Variants in PTPRD observed in about 807,000 individuals in gnomAD.
PTPRD encodes the protein protein tyrosine phosphatase receptor type D, also known as receptor-type tyrosine-protein phosphatase delta.
A neutral mutation model predicts 214.5 loss-of-function variants in PTPRD; 34 were observed. That is an observed-to-expected ratio of 0.16 (90% CI 0.12 to 0.21). PTPRD has a LOEUF of 0.21. Among genes scored for constraint, PTPRD ranks in the 10% least tolerant of loss-of-function variants. The pLI is 1.00. For synonymous variants in PTPRD, 1,128 were observed against 845.7 expected, an observed-to-expected ratio of 1.33 and a Z score of -5.79; for missense variants, 2,545 against 2,398.7, an observed-to-expected ratio of 1.06 and a Z score of -1.27.
chr9:8,333,351 C>CAAAT (rs1338618528), intron 43 of PTPRD, among the ~76,000 whole-genome samples: 1 of 152,134 alleles, frequency 6.6e-6, no homozygotes, highest in African/African-American at 2.4e-5. Context: ...GTCATGTGTG[C>CAAAT]AAATACCTTC....
intron 31 of PTPRD, among the ~76,000 whole-genome samples, chr9:8,468,725 A>G (rs1225401511): frequency 1.3e-5 from 2 of 151,638 alleles, no homozygotes; most frequent in Non-Finnish European, 2.9e-5. Context: ...TTAAGAGAGG[A>G]ACACTGCTTT....
intron 9 of PTPRD, among the ~76,000 whole-genome samples, chr9:9,354,937 G>A (rs2053146716): frequency 6.6e-6 from 1 of 151,730 alleles, no homozygotes; most frequent in Non-Finnish European, 1.5e-5. Flanking sequence ...TAGCAAAGGA[G>A]GAAAATGTGA....
At chr9:9,505,892 C>T (rs777120927) in intron 8 of PTPRD, among the ~76,000 whole-genome samples, 17 of 151,274 alleles carry the variant, frequency 1.1e-4, no homozygotes, top group South Asian at 6.2e-4. Context: ...ACTACAGTGA[C>T]GGGACAATCA....
At position 9,756,146 on chromosome 9, in the gene PTPRD, T is replaced by C. The variant is rs574738111; in HGVS notation, c.-326+10664A>G. Among the ~76,000 whole-genome samples the C allele has an allele frequency of 6.6e-5, 10 of 152,158 alleles. No individual in the cohort carries two copies. The South Asian group carries it at 2.1e-3, about 32-fold the overall frequency. On this transcript the variant is annotated intron_variant, in intron 6 of 45. Coordinates refer to ENST00000381196, the MANE Select transcript of PTPRD (RefSeq NM_002839.4). ...ACACCTCTCTGTTCTAATATCGACC[T>C]CAAGCCACTTTAGAAAAAAATATTC...
At position 9,771,970 on chromosome 9, in the gene PTPRD, A is replaced by T. The variant is rs530602125; in HGVS notation, c.-367-5119T>A. On this transcript the variant is annotated intron_variant, in intron 5 of 45. Transcript: ENST00000381196. ...CATTGTTTATTTGTATTACATTTTA[A>T]GAAGAAACTAGAAATTTCAACATAT... Among the ~76,000 whole-genome samples, 4 of 152,326 alleles carry T rather than the reference A, an allele frequency of 2.6e-5. No homozygotes were observed. In the East Asian group the frequency reaches 7.7e-4, roughly 29 times the overall value.
chr9:10,447,920 G>T (rs1470700059), intron 2 of PTPRD, among the ~76,000 whole-genome samples: 2 of 152,010 alleles, frequency 1.3e-5, no homozygotes, highest in African/African-American at 4.8e-5. Context: ...CCTATGTGCT[G>T]AGAATATTGA....
intron 3 of PTPRD, among the ~76,000 whole-genome samples, chr9:10,324,500 G>C (rs923682174): frequency 6.6e-6 from 1 of 152,006 alleles, no homozygotes; most frequent in Non-Finnish European, 1.5e-5. Context: ...TAGTATCAAT[G>C]TTATTAAAAG....
At chr9:9,658,632 T>C (rs2154378292) in intron 7 of PTPRD, among the ~76,000 whole-genome samples, 1 of 152,284 alleles carries the variant, frequency 6.6e-6, no homozygotes, top group Non-Finnish European at 1.5e-5. Flanking sequence ...GAGAAGGTTA[T>C]ATGCTATGAA....
chr9:9,219,664 C>T (rs568437109), intron 9 of PTPRD, among the ~76,000 whole-genome samples: 19 of 152,274 alleles, frequency 1.2e-4, no homozygotes, highest in African/African-American at 4.3e-4. Context: ...CCTGTATCAA[C>T]ACCAAACTTG....
At chr9:9,775,767 C>T (rs569913616) in intron 5 of PTPRD, among the ~76,000 whole-genome samples, 3 of 152,004 alleles carry the variant, frequency 2.0e-5, no homozygotes, top group Non-Finnish European at 4.4e-5. Flanking sequence ...CACGGTGAAA[C>T]CCAGTCTCTA....
intron 7 of PTPRD, among the ~76,000 whole-genome samples, chr9:9,661,517 A>G (rs1031911695): frequency 5.3e-5 from 8 of 151,848 alleles, no homozygotes; most frequent in African/African-American, 1.9e-4. Context: ...ATGCTAAACT[A>G]TGGTATCATT....
chr9:9,657,573 A>T (rs1012861063), intron 7 of PTPRD, among the ~76,000 whole-genome samples: 6 of 152,222 alleles, frequency 3.9e-5, no homozygotes, highest in African/African-American at 7.2e-5. Flanking sequence ...CACGTTGTGC[A>T]TATGTACCCC....
At chr9:9,710,668 T>G (rs935694731) in intron 7 of PTPRD, among the ~76,000 whole-genome samples, 2 of 152,232 alleles carry the variant, frequency 1.3e-5, no homozygotes, top group East Asian at 1.9e-4. Context: ...AAAAATTAAC[T>G]AAATTCCATT....
chr9:9,633,437 A>T (rs2095656808), intron 7 of PTPRD, among the ~76,000 whole-genome samples: 1 of 152,228 alleles, frequency 6.6e-6, no homozygotes, highest in Non-Finnish European at 1.5e-5. Context: ...CGACTTCCAA[A>T]ATCTAGGCAT....
At chr9:9,819,054 C>T (rs1419908984) in intron 5 of PTPRD, among the ~76,000 whole-genome samples, 3 of 151,930 alleles carry the variant, frequency 2.0e-5, no homozygotes, top group African/African-American at 7.3e-5. Context: ...GAGATACTGT[C>T]GAAATGTTCC....
intron 10 of PTPRD, among the ~76,000 whole-genome samples, chr9:9,119,292 T>C (rs2154461679): frequency 6.6e-6 from 1 of 152,300 alleles, no homozygotes; most frequent in Non-Finnish European, 1.5e-5. Context: ...TTTCTATCTA[T>C]TGCTTTTTAA....
At chr9:10,202,166 T>A (rs1163202525) in intron 3 of PTPRD, among the ~76,000 whole-genome samples, 19 of 152,078 alleles carry the variant, frequency 1.2e-4, no homozygotes, top group Admixed American at 1.2e-3. Flanking sequence ...AGGAATTTAG[T>A]AAAATATATG....
In PTPRD at chr9:9,384,234, T is replaced by A. The variant is rs150673104; in HGVS notation, c.-203+13215A>T. Reference sequence around the variant, plus strand: ...TAGAAGATGATGAATAAATCTAGGCTTCTTTGGATTTTCGGTGTACCATGT... The same window carrying A: ...TAGAAGATGATGAATAAATCTAGGCATCTTTGGATTTTCGGTGTACCATGT... On this transcript the variant is annotated intron_variant, in intron 9 of 45. Transcript: ENST00000381196. Among the ~76,000 whole-genome samples the A allele has an allele frequency of 1.7e-3, 257 of 151,732 alleles. 1 individual carries two copies. Among genetic ancestry groups the A allele is most frequent in the African/African-American group, 5.7e-3 (237 of 41,438 alleles).
intron 11 of PTPRD, among the ~76,000 whole-genome samples, chr9:8,973,838 T>C (rs746800308): frequency 6.6e-6 from 1 of 152,170 alleles, no homozygotes; most frequent in Non-Finnish European, 1.5e-5. Context: ...TTTTTTCATG[T>C]GTTTGTTGGC....
Sources: gnomAD v4.1 joint callset for allele counts (sites outside exome capture counted in the v4.1 genomes callset) on GRCh38, gnomAD v4.1.1 for gene constraint, MANE v1.5 for transcripts, NCBI Gene and HGNC (gene_info 2026-07-23, HGNC 2026-07-21) for gene names.